Variants in DENND2B observed in about 807,000 individuals in gnomAD.
DENND2B encodes the protein DENN domain containing 2B, also known as DENN domain-containing protein 2B.
Under a neutral mutation model 116.0 loss-of-function variants are expected in DENND2B, and 32 were observed. That is an observed-to-expected ratio of 0.28 (90% CI 0.21 to 0.37). The LOEUF is 0.37. Ranked by LOEUF, DENND2B falls within the 10% of genes least tolerant of loss-of-function variation. The pLI is 1.00. For missense variants in DENND2B, 1,276 were observed against 1,477.7 expected, an observed-to-expected ratio of 0.86 and a Z score of 2.24; for synonymous variants, 588 against 583.9, an observed-to-expected ratio of 1.01 and a Z score of -0.10.
chr11:8,698,877 G>T, intron 16 of DENND2B, 56 bp downstream of exon 16: 1 of 1,593,954 alleles, frequency 6.3e-7, no homozygotes, highest in Non-Finnish European at 8.6e-7. Flanking sequence ...TGAGTAGTGT[G>T]TGTGATGGTG....
At chr11:8,757,770 C>G (rs988401014) in intron 1 of DENND2B, among the ~76,000 whole-genome samples, 3 of 152,186 alleles carry the variant, frequency 2.0e-5, no homozygotes, top group African/African-American at 7.2e-5. Context: ...CTCCAAGTCA[C>G]ACGGCTAGAA....
chr11:8,695,255 C>T (rs934567687), intron 19 of DENND2B, among the ~76,000 whole-genome samples: 1 of 152,116 alleles, frequency 6.6e-6, no homozygotes, highest in Non-Finnish European at 1.5e-5. Context: ...ACCAATCCCC[C>T]ACAGATATTG....
At chr11:8,750,442 T>A (rs911120750) in intron 2 of DENND2B, among the ~76,000 whole-genome samples, 179 bp downstream of exon 2, 1 of 152,248 alleles carries the variant, frequency 6.6e-6, no homozygotes, top group Non-Finnish European at 1.5e-5. Context: ...CTGTTTGCTA[T>A]ATCACATAGA....
At chr11:8,869,574 A>G (rs1440855720) in intron 2 of DENND2B, among the ~76,000 whole-genome samples, 3 of 152,066 alleles carry the variant, frequency 2.0e-5, no homozygotes, top group African/African-American at 7.2e-5. Context: ...AGGCAGGAGA[A>G]TTGCTTGAAC....
At chr11:8,906,825 C>T (rs2064244796) in intron 1 of DENND2B, among the ~76,000 whole-genome samples, 1 of 152,106 alleles carries the variant, frequency 6.6e-6, no homozygotes, top group Non-Finnish European at 1.5e-5. Flanking sequence ...TGTAATACTA[C>T]CTTACAAAGC....
At chr11:8,721,512 G>C (rs143656073) in intron 4 of DENND2B, among the ~76,000 whole-genome samples, 10 of 3,670 alleles carry the variant, frequency 2.7e-3, no homozygotes, top group Admixed American at 0.019. Flanking sequence ...AACAACCTCC[G>C]TCCGGTTCCA....
intron 1 of DENND2B, among the ~76,000 whole-genome samples, chr11:8,884,369 C>G (rs2063937326): frequency 6.6e-6 from 1 of 151,844 alleles, no homozygotes; most frequent in African/African-American, 2.4e-5. Flanking sequence ...ATCTGTCATC[C>G]AAGCTGGAGT....
chr11:8,852,288 G>C (rs996939119), intron 3 of DENND2B, among the ~76,000 whole-genome samples: 2 of 152,168 alleles, frequency 1.3e-5, no homozygotes, highest in Non-Finnish European at 1.5e-5. Context: ...GAATTATCCT[G>C]TCAAAGAAGA....
chr11:8,828,176 G>A lies in DENND2B; in HGVS notation c.-115+11134C>T, dbSNP rs2062050473. On this transcript the variant is annotated intron_variant, in intron 4 of 6. Transcript: ENST00000524757. ...AGAGCTGTTCCTGCCTACAGTGGCTGGGGCAGAGATCTAAAGCAAGTAAAG... is the reference window on the plus strand; with the variant it reads ...AGAGCTGTTCCTGCCTACAGTGGCTAGGGCAGAGATCTAAAGCAAGTAAAG... Among the ~76,000 whole-genome samples, 3 of 152,182 alleles carry A rather than the reference G, an allele frequency of 2.0e-5. No homozygotes were observed. In the South Asian group the frequency reaches 6.2e-4, roughly 32 times the overall value.
At chr11:8,811,804 G>C (rs1442786652), upstream of DENND2B, among the ~76,000 whole-genome samples, 2 of 152,114 alleles carry the variant, frequency 1.3e-5, no homozygotes, top group Non-Finnish European at 2.9e-5. Flanking sequence ...TGCAATCATA[G>C]CTCACTACAT....
chr11:8,843,712 T>A (rs2062706533), intron 3 of DENND2B, among the ~76,000 whole-genome samples: 1 of 152,112 alleles, frequency 6.6e-6, no homozygotes, highest in Non-Finnish European at 1.5e-5. Context: ...CTGCCGTAAA[T>A]CACCATCCTG....
chr11:8,822,419 T>C (rs1448530634), intron 4 of DENND2B, among the ~76,000 whole-genome samples: 2 of 152,228 alleles, frequency 1.3e-5, no homozygotes, highest in African/African-American at 4.8e-5. Flanking sequence ...GTATTAACTA[T>C]AGTCACTATG....
At chr11:8,891,349 C>A (rs1439541959) in intron 1 of DENND2B, among the ~76,000 whole-genome samples, 1 of 152,150 alleles carries the variant, frequency 6.6e-6, no homozygotes, top group Non-Finnish European at 1.5e-5. Flanking sequence ...GCAAAATAAC[C>A]AGCTAACATC....
intron 4 of DENND2B, chr11:8,718,263 A>AC: frequency 8.6e-7 from 1 of 1,167,998 alleles, no homozygotes; most frequent in Non-Finnish European, 1.2e-6. Flanking sequence ...TCTGCTGCAA[A>AC]CACCCCAGAG....
At chr11:8,744,634 G>C (rs2050899483) in intron 2 of DENND2B, among the ~76,000 whole-genome samples, 1 of 152,196 alleles carries the variant, frequency 6.6e-6, no homozygotes, top group South Asian at 2.1e-4. Context: ...AGAGGGTGCA[G>C]CTAGAGACAA....
chr11:8,848,954 T>G (rs945662610), intron 3 of DENND2B, among the ~76,000 whole-genome samples: 2 of 152,046 alleles, frequency 1.3e-5, no homozygotes, highest in African/African-American at 4.8e-5. Flanking sequence ...ATCCATGATT[T>G]CTATGGGTGG....
At chr11:8,718,160 T>A (rs2045392590) in intron 4 of DENND2B, 1 of 404,726 alleles carries the variant, frequency 2.5e-6, no homozygotes, top group Admixed American at 3.0e-5. Context: ...CTTTATAAAT[T>A]CAGGGATTGC....
intron 1 of DENND2B, among the ~76,000 whole-genome samples, chr11:8,887,809 C>T (rs1216924602): frequency 1.3e-5 from 2 of 152,184 alleles, no homozygotes; most frequent in Non-Finnish European, 2.9e-5. Context: ...AGCCAAGGCA[C>T]CTCAGATAAC....
At chr11:8,852,403 A>G (rs76884984) in intron 3 of DENND2B, among the ~76,000 whole-genome samples, 1,766 of 152,340 alleles carry the variant, frequency 0.012, 44 homozygotes, top group African/African-American at 0.041. Context: ...GCCAAGGCAC[A>G]GGAAGATGGC....
Sources: gnomAD v4.1 joint callset for allele counts (sites outside exome capture counted in the v4.1 genomes callset) on GRCh38, gnomAD v4.1.1 for gene constraint, MANE v1.5 for transcripts, NCBI Gene and HGNC (gene_info 2026-07-23, HGNC 2026-07-21) for gene names.